The following CCDC91 variants were observed in gnomAD, a reference collection of about 807,000 sequenced individuals.
CCDC91 encodes the protein coiled-coil domain-containing protein 91.
Under a neutral mutation model 63.2 loss-of-function variants are expected in CCDC91, and 48 were observed. The observed-to-expected ratio is 0.76, with a 90% CI of 0.60 to 0.97. CCDC91 has a LOEUF of 0.97. CCDC91 is among the 50% of genes least tolerant of loss of function. The pLI is 0.00. For synonymous variants in CCDC91, 167 were observed against 165.8 expected (o/e 1.01, Z -0.06); for missense variants, 500 against 494.6 (o/e 1.01, Z -0.10).
chr12:28,461,053 G>A (rs953482421), intron 11 of CCDC91, among the ~76,000 whole-genome samples: 3 of 151,966 alleles, frequency 2.0e-5, no homozygotes, highest in African/African-American at 7.2e-5. Flanking sequence ...AACCCATACA[G>A]CATGTTACTG....
chr12:28,278,521 G>A (rs376253885), intron 3 of CCDC91, among the ~76,000 whole-genome samples: 3 of 151,724 alleles, frequency 2.0e-5, no homozygotes, highest in African/African-American at 4.8e-5. Context: ...ATTTCTTTTC[G>A]CACTTAATAA....
At chr12:28,234,025 G>A (rs1458239825) in intron 1 of CCDC91, among the ~76,000 whole-genome samples, 1 of 151,962 alleles carries the variant, frequency 6.6e-6, no homozygotes, top group African/African-American at 2.4e-5. Flanking sequence ...TGCATCCACA[G>A]AACTCATCTT....
At position 28,467,134 on chromosome 12, in the gene CCDC91, T is replaced by C. The variant is rs143824725; in HGVS notation, c.1101+14480T>C. 1.5e-4 allele frequency among the ~76,000 whole-genome samples: 23 copies of C among 152,142 alleles called. 1 individual carries two copies. Among genetic ancestry groups the C allele is most frequent in the Middle Eastern group, 3.4e-3 (1 of 294 alleles). On this transcript the variant is annotated intron_variant, in intron 11 of 12. Transcript: ENST00000536442. Reference sequence around the variant, plus strand: ...CCTTCTTATCAGTAATGACATTTAATATAAATGGACTAAACTCTCCAATCA... The same window carrying C: ...CCTTCTTATCAGTAATGACATTTAACATAAATGGACTAAACTCTCCAATCA...
intron 12 of CCDC91, among the ~76,000 whole-genome samples, chr12:28,503,850 C>T (rs1938318469): frequency 6.6e-6 from 1 of 151,976 alleles, no homozygotes; most frequent in Non-Finnish European, 1.5e-5. Flanking sequence ...AAACCAAACA[C>T]CACATGTTCT....
At chr12:28,500,477 T>C (rs1308397585) in intron 12 of CCDC91, among the ~76,000 whole-genome samples, 2 of 151,172 alleles carry the variant, frequency 1.3e-5, no homozygotes, top group Non-Finnish European at 3.0e-5. Flanking sequence ...TCATTTTTCA[T>C]TGAGGATCCT....
chr12:28,294,957 C>T (rs1284091486), intron 3 of CCDC91, among the ~76,000 whole-genome samples: 5 of 152,104 alleles, frequency 3.3e-5, no homozygotes, highest in African/African-American at 1.2e-4. Context: ...AATTAATAGT[C>T]ATGTAAAAAA....
At chr12:28,479,261 C>T (rs148665371) in intron 11 of CCDC91, among the ~76,000 whole-genome samples, 2 of 152,196 alleles carry the variant, frequency 1.3e-5, no homozygotes, top group African/African-American at 2.4e-5. Context: ...GACACATGTA[C>T]ACCATGGAAT....
At chr12:28,401,835 C>A (rs553872317) in intron 8 of CCDC91, among the ~76,000 whole-genome samples, 3 of 152,210 alleles carry the variant, frequency 2.0e-5, no homozygotes, top group African/African-American at 7.2e-5. Flanking sequence ...TTTCTTGTAT[C>A]AAAAGAAGTT....
intron 11 of CCDC91, among the ~76,000 whole-genome samples, chr12:28,477,176 A>G (rs1038341051): frequency 6.6e-6 from 1 of 152,142 alleles, no homozygotes; most frequent in African/African-American, 2.4e-5. Flanking sequence ...AAAAAAAGGA[A>G]TTTTAGACCA....
chr12:28,192,205 G>A (rs569623644), intron 1 of CCDC91, among the ~76,000 whole-genome samples: 4 of 152,294 alleles, frequency 2.6e-5, no homozygotes, highest in African/African-American at 9.6e-5. Flanking sequence ...GAAAAAAGAC[G>A]TTTAAAAATG....
chr12:28,374,808 T>C (rs1011937266), intron 7 of CCDC91, among the ~76,000 whole-genome samples: 3 of 152,160 alleles, frequency 2.0e-5, no homozygotes, highest in Admixed American at 1.3e-4. Context: ...TCTGTGTTCA[T>C]ACAACTTTAA....
intron 8 of CCDC91, among the ~76,000 whole-genome samples, chr12:28,395,341 C>T (rs890431711): frequency 3.9e-5 from 6 of 152,142 alleles, no homozygotes; most frequent in Non-Finnish European, 5.9e-5. Flanking sequence ...TCAAAGTTAA[C>T]GTTCGACTTC....
chr12:28,466,385 T>A (rs1950551149), intron 11 of CCDC91, among the ~76,000 whole-genome samples: 1 of 152,014 alleles, frequency 6.6e-6, no homozygotes, highest in Non-Finnish European at 1.5e-5. Context: ...CCACATTTAA[T>A]CCAAAGAAGA....
In CCDC91 at chr12:28,510,871, T is replaced by C. The variant is rs1310779525; in HGVS notation, c.1215+26706T>C. 2.0e-5 allele frequency among the ~76,000 whole-genome samples: 3 copies of C among 151,840 alleles called. No individual in the cohort carries two copies. The East Asian group carries it at 5.8e-4, about 30-fold the overall frequency. ...TGGACATGGGCTGGGAAGAAAGTCTTAGCATGTTCAAAACAGAATTCTTGA... is the reference window on the plus strand; with the variant it reads ...TGGACATGGGCTGGGAAGAAAGTCTCAGCATGTTCAAAACAGAATTCTTGA... On this transcript the variant is annotated intron_variant, in intron 12 of 12. Transcript: ENST00000536442.
intron 1 of CCDC91, among the ~76,000 whole-genome samples, chr12:28,250,614 CACT>C (rs1946057241): frequency 6.6e-6 from 1 of 152,036 alleles, no homozygotes; most frequent in African/African-American, 2.4e-5. Context: ...GCCCAAGATC[CACT>C]GTAATTTTCT....
chr12:28,350,616 T>A (rs1943117499), intron 6 of CCDC91, among the ~76,000 whole-genome samples: 1 of 152,182 alleles, frequency 6.6e-6, no homozygotes, highest in South Asian at 2.1e-4. Context: ...ACAAACTTGG[T>A]GGATTGAAAT....
Position 28,203,716 on chromosome 12 carries a change from C to T in CCDC91, c.-15+13075C>T, listed in dbSNP as rs147478775. Among the ~76,000 whole-genome samples, 776 of 152,132 alleles carry T rather than the reference C, an allele frequency of 5.1e-3. 4 individuals carry two copies. Among genetic ancestry groups the T allele is most frequent in the African/African-American group, 0.016 (653 of 41,518 alleles). On this transcript the variant is annotated intron_variant, in intron 1 of 12. Coordinates refer to ENST00000536442, the MANE Select transcript of CCDC91 (RefSeq NM_018318.5). ...GTGAAAGAGATCTGATAAGGTAGAA[C>T]GTAAGCTACTTTTATTAATAATAAG...
At chr12:28,204,200 G>T (rs576794452) in intron 1 of CCDC91, among the ~76,000 whole-genome samples, 5 of 152,072 alleles carry the variant, frequency 3.3e-5, no homozygotes, top group Non-Finnish European at 7.4e-5. Flanking sequence ...TCAAAAAATT[G>T]GTAAGAACAT....
chr12:28,251,658 TG>T (rs903436804), intron 1 of CCDC91, among the ~76,000 whole-genome samples: 1 of 152,108 alleles, frequency 6.6e-6, no homozygotes, highest in Admixed American at 6.6e-5. Flanking sequence ...CTGGTTTCTC[TG>T]TTTTCATTTG....
Sources: gnomAD v4.1 joint callset for allele counts (sites outside exome capture counted in the v4.1 genomes callset) on GRCh38, gnomAD v4.1.1 for gene constraint, MANE v1.5 for transcripts, NCBI Gene and HGNC (gene_info 2026-07-23, HGNC 2026-07-21) for gene names.